The following GARNL3 variants were observed in gnomAD, a reference collection of about 807,000 sequenced individuals.
GARNL3 encodes GTPase-activating Rap/Ran-GAP domain-like protein 3.
GARNL3 carries 63 observed loss-of-function variants against 125.0 expected under a neutral mutation model. The ratio of observed to expected loss-of-function variants is 0.50; its 90% confidence interval spans 0.41 to 0.62. The LOEUF (loss-of-function observed/expected upper bound fraction) is 0.62, where lower values mean the gene tolerates loss of function less well. Ranked by LOEUF, GARNL3 falls within the 20% of genes least tolerant of loss-of-function variation. The pLI is 0.00. For synonymous variants in GARNL3, 439 were observed against 457.5 expected (o/e 0.96, Z 0.52); for missense variants, 994 against 1,244.0 (o/e 0.80, Z 3.02).
chr9:127,286,601 G>C (rs1394463375), intron 1 of GARNL3, among the ~76,000 whole-genome samples: 1 of 152,078 alleles, frequency 6.6e-6, no homozygotes, highest in African/African-American at 2.4e-5. Flanking sequence ...GGTTCACCAT[G>C]GTCACTACAT....
chr9:127,322,281 G>T (rs1418951618), intron 6 of GARNL3, among the ~76,000 whole-genome samples: 3 of 151,848 alleles, frequency 2.0e-5, no homozygotes, highest in African/African-American at 7.3e-5. Flanking sequence ...CAGACACGGA[G>T]CCCCAAAACC....
At chr9:127,310,173 G>A (rs62578831) in intron 2 of GARNL3, among the ~76,000 whole-genome samples, 20,431 of 152,144 alleles carry the variant, frequency 0.13, 1,760 homozygotes, top group East Asian at 0.21. Flanking sequence ...TAAAAATGAA[G>A]CATCTAAAAG....
chr9:127,260,815 A>G (rs768605652), upstream of GARNL3, among the ~76,000 whole-genome samples: 127 of 152,158 alleles, frequency 8.3e-4, no homozygotes, highest in Non-Finnish European at 1.5e-3. Context: ...ACTTATTCTT[A>G]CACTACTTTC....
chr9:127,243,671 C>T (rs1043432319), intron 2 of GARNL3, among the ~76,000 whole-genome samples: 1 of 152,094 alleles, frequency 6.6e-6, no homozygotes, highest in Non-Finnish European at 1.5e-5. Flanking sequence ...ATACATTTTA[C>T]CTACCTTTTG....
chr9:127,291,264 C>T, intron 2 of GARNL3, 22 bp downstream of exon 2: 1 of 1,599,834 alleles, frequency 6.3e-7, no homozygotes, highest in Non-Finnish European at 8.6e-7. Flanking sequence ...TCCCCACTTC[C>T]TGTAATGCCA....
At chr9:127,358,966 T>TG (rs141487627) in intron 21 of GARNL3, among the ~76,000 whole-genome samples, 44,534 of 151,968 alleles carry the variant, frequency 0.29, 7,622 homozygotes, top group Middle Eastern at 0.45. Context: ...TATCAGAATC[T>TG]GGGGGGGTGT....
At chr9:127,274,026 A>C (rs927412402) in intron 1 of GARNL3, among the ~76,000 whole-genome samples, 2 of 152,154 alleles carry the variant, frequency 1.3e-5, no homozygotes, top group African/African-American at 4.8e-5. Flanking sequence ...TTTATCCTTT[A>C]AGTAAGATAT....
At chr9:127,362,988 C>T (rs144793438) in intron 21 of GARNL3, 26 of 152,386 alleles carry the variant, frequency 1.7e-4, no homozygotes, top group African/African-American at 6.3e-4. Flanking sequence ...TTCATTTACT[C>T]ACTTGCCCAT....
At chr9:127,342,518 T>C (rs528307666) in intron 14 of GARNL3, among the ~76,000 whole-genome samples, 184 bp downstream of exon 14, 1 of 152,228 alleles carries the variant, frequency 6.6e-6, no homozygotes, top group South Asian at 2.1e-4. Flanking sequence ...AGGAAGGACA[T>C]TGGGTTTCCA....
At chr9:127,320,333 G>C (rs529259095) in intron 5 of GARNL3, among the ~76,000 whole-genome samples, 7 of 152,290 alleles carry the variant, frequency 4.6e-5, no homozygotes, top group Non-Finnish European at 1.0e-4. Flanking sequence ...GGGAATTTAC[G>C]TTGCTTGTCC....
chr9:127,303,012 G>A (rs374784077), intron 2 of GARNL3, among the ~76,000 whole-genome samples: 39 of 152,186 alleles, frequency 2.6e-4, no homozygotes, highest in Non-Finnish European at 3.4e-4. Flanking sequence ...TTAGCCAGGC[G>A]TGGTAGTGGG....
intron 2 of GARNL3, among the ~76,000 whole-genome samples, chr9:127,292,417 G>A (rs922209533): frequency 6.6e-6 from 1 of 152,186 alleles, no homozygotes; most frequent in African/African-American, 2.4e-5. Flanking sequence ...GGCAGCCAAG[G>A]GTTCTCAGGA....
chr9:127,327,512 C>A (rs1394185224), intron 7 of GARNL3, among the ~76,000 whole-genome samples: 1 of 152,098 alleles, frequency 6.6e-6, no homozygotes, highest in African/African-American at 2.4e-5. Flanking sequence ...TGCTTTTGGG[C>A]AGGACAGTGG....
At chr9:127,387,166 C>A (rs770259926) in intron 24 of GARNL3, 27 bp from the exon 25 acceptor site, 6 of 1,602,844 alleles carry the variant, frequency 3.7e-6, no homozygotes, top group Non-Finnish European at 5.1e-6. Context: ...ACCAGGCAGC[C>A]CGGTAATGCT....
rs1321992173 is a variant in GARNL3, at chr9:127,280,411, A to C, written c.145-10757A>C. 6.6e-6 allele frequency among the ~76,000 whole-genome samples: 1 copy of C among 152,200 alleles called. No individual in the cohort carries two copies. Among genetic ancestry groups the C allele is most frequent in the Non-Finnish European group, 1.5e-5 (1 of 68,034 alleles). On this transcript the variant is annotated intron_variant, in intron 1 of 27. Coordinates refer to ENST00000373387, the MANE Select transcript of GARNL3 (RefSeq NM_032293.5). The surrounding 1 kb of genome is among the most constrained non-coding windows in gnomAD (Gnocchi z 4.5). ...CTCAAAATGCAGTGTCCATGCAGTA[A>C]AAAGATGATTCCTAGTGTTTTATTC...
Position 127,386,668 on chromosome 9 carries a change from T to G in GARNL3, c.2389-525T>G, listed in dbSNP as rs145609694. Among the ~76,000 whole-genome samples, 14 of 152,358 alleles carry G rather than the reference T, an allele frequency of 9.2e-5. No individual in the cohort carries two copies. The East Asian group carries it at 2.7e-3, about 29-fold the overall frequency. On this transcript the variant is annotated intron_variant, in intron 24 of 27. Transcript: ENST00000373387. Reference sequence around the variant, plus strand: ...TTGTATAATTTAATTTCTAATCATGTGTGTTTAACAGCCAGTTTGCAAAAT... The same window carrying G: ...TTGTATAATTTAATTTCTAATCATGGGTGTTTAACAGCCAGTTTGCAAAAT...
chr9:127,286,242 A>G (rs1007828431), intron 1 of GARNL3, among the ~76,000 whole-genome samples: 77 of 151,942 alleles, frequency 5.1e-4, no homozygotes, highest in African/African-American at 1.8e-3. Flanking sequence ...GACCTAACCA[A>G]CTCCCTCCTC....
At chr9:127,227,276 T>G (rs2062929431) in intron 1 of GARNL3, among the ~76,000 whole-genome samples, 1 of 152,178 alleles carries the variant, frequency 6.6e-6, no homozygotes, top group Non-Finnish European at 1.5e-5. Flanking sequence ...AGCTGTAGGA[T>G]AATAATGATT....
intron 2 of GARNL3, among the ~76,000 whole-genome samples, chr9:127,304,771 A>G (rs1470550217): frequency 6.6e-6 from 1 of 152,112 alleles, no homozygotes; most frequent in Non-Finnish European, 1.5e-5. Flanking sequence ...TCCTGACCTC[A>G]GGTGATCCAC....
Sources: allele counts gnomAD v4.1 joint callset (sites outside exome capture counted in the v4.1 genomes callset), GRCh38; gene constraint gnomAD v4.1.1; non-coding constraint Gnocchi (gnomAD v3.1); transcripts MANE v1.5; gene names NCBI Gene and HGNC (gene_info 2026-07-23, HGNC 2026-07-21).